Variants in PCCA observed in about 807,000 individuals in gnomAD.
The protein encoded by PCCA is propionyl-CoA carboxylase subunit alpha.
A neutral mutation model predicts 101.3 loss-of-function variants in PCCA; 74 were observed. That is an observed-to-expected ratio of 0.73 (90% CI 0.61 to 0.89). The LOEUF is 0.89. PCCA is among the 40% of genes least tolerant of loss of function. The probability of loss-of-function intolerance (pLI) is 0.00; values close to 1 mark genes in which losing one functional copy is unlikely to be tolerated. For missense variants in PCCA, 891 were observed against 907.0 expected (o/e 0.98, Z 0.23); for synonymous variants, 294 against 313.6 (o/e 0.94, Z 0.66).
chr13:100,259,460 G>A (rs984130854), intron 9 of PCCA, among the ~76,000 whole-genome samples: 8 of 148,126 alleles, frequency 5.4e-5, no homozygotes, highest in South Asian at 2.2e-4. Flanking sequence ...TCAGCCTCCC[G>A]AGTAGCTGGG....
chr13:100,489,295 G>A (rs544329076), intron 21 of PCCA, among the ~76,000 whole-genome samples: 18 of 151,328 alleles, frequency 1.2e-4, no homozygotes, highest in Admixed American at 4.6e-4. Context: ...GCGACAGAGC[G>A]AGACTCCGTC....
intron 12 of PCCA, among the ~76,000 whole-genome samples, chr13:100,287,150 A>G (rs1174849568): frequency 6.6e-6 from 1 of 152,144 alleles, no homozygotes; most frequent in Non-Finnish European, 1.5e-5. Context: ...CTGAAATTGC[A>G]GATGTATGCA....
chr13:100,167,246 C>A (rs534555836), intron 6 of PCCA, among the ~76,000 whole-genome samples: 2 of 151,956 alleles, frequency 1.3e-5, no homozygotes, highest in African/African-American at 2.4e-5. Flanking sequence ...TAGTTTGAAC[C>A]TTTTGAGTCT....
intron 12 of PCCA, among the ~76,000 whole-genome samples, chr13:100,285,915 C>A (rs960475363): frequency 6.6e-6 from 1 of 152,216 alleles, no homozygotes; most frequent in Admixed American, 6.5e-5. Context: ...AAGCCTCTTA[C>A]CCCAGAGACC....
At position 100,452,136 on chromosome 13, in the gene PCCA, TCTC is replaced by T. The variant is rs1322328433; in HGVS notation, c.1899+2835_1899+2837del. On this transcript the variant is annotated intron_variant, in intron 21 of 23. Transcript: ENST00000376285. Reference sequence around the variant, plus strand: ...CTCTCCTCTTCTTCCTCTCCCTCTCTCTCCTCTTCTTCCTCTCCCTCTCTCCTT... The same window carrying T: ...CTCTCCTCTTCTTCCTCTCCCTCTCTCTCTTCTTCCTCTCCCTCTCTCCTT... Among the ~76,000 whole-genome samples the T allele has an allele frequency of 5.4e-5, 7 of 129,322 alleles. No homozygotes were observed. In the South Asian group the frequency reaches 8.2e-4, roughly 15 times the overall value. 84.8% of individuals were successfully genotyped at this position (129,322 alleles called of 152,430 possible).
intron 21 of PCCA, among the ~76,000 whole-genome samples, chr13:100,509,363 G>A (rs111393022): frequency 6.6e-6 from 1 of 152,194 alleles, no homozygotes; most frequent in East Asian, 1.9e-4. Context: ...GTGAGAAAAC[G>A]TGAGCATGTA....
At chr13:100,386,812 C>A (rs1274603629) in intron 19 of PCCA, among the ~76,000 whole-genome samples, 1 of 152,136 alleles carries the variant, frequency 6.6e-6, no homozygotes, top group Non-Finnish European at 1.5e-5. Flanking sequence ...CCCATGGTTG[C>A]CTGTGAGTTG....
intron 18 of PCCA, among the ~76,000 whole-genome samples, chr13:100,349,469 G>T (rs979981047): frequency 1.8e-4 from 28 of 151,800 alleles, no homozygotes; most frequent in African/African-American, 6.8e-4. Flanking sequence ...TGCCCTGCTG[G>T]CCAGGCTGGT....
chr13:100,347,973 T>C (rs1468435138), intron 18 of PCCA, among the ~76,000 whole-genome samples: 1 of 152,240 alleles, frequency 6.6e-6, no homozygotes, highest in Non-Finnish European at 1.5e-5. Context: ...TGTAGCTAAG[T>C]GAAGCTATGT....
chr13:100,412,460 A>G (rs1169834593), intron 19 of PCCA, among the ~76,000 whole-genome samples: 1 of 152,220 alleles, frequency 6.6e-6, no homozygotes, highest in Admixed American at 6.5e-5. Context: ...AACAAGATAC[A>G]AAGAAATACC....
At chr13:100,461,932 G>A (rs2082190606) in intron 21 of PCCA, among the ~76,000 whole-genome samples, 1 of 152,106 alleles carries the variant, frequency 6.6e-6, no homozygotes, top group Admixed American at 6.5e-5. Context: ...AACTCCACAG[G>A]GCTTCCTCCC....
At position 100,281,457 on chromosome 13, in the gene PCCA, T is replaced by G. The variant is rs1042452903; in HGVS notation, c.1065+8111T>G. Among the ~76,000 whole-genome samples the G allele has an allele frequency of 4.9e-4, 75 of 152,236 alleles. 1 individual carries two copies. Among genetic ancestry groups the G allele is most frequent in the Admixed American group, 6.5e-5 (1 of 15,284 alleles). ...ATCATGTTCTATACTATCCACAGTT[T>G]CAGGCATTTGCTGGGGACCTAGGAA... On this transcript the variant is annotated intron_variant, in intron 12 of 23. Coordinates refer to ENST00000376285, the MANE Select transcript of PCCA (RefSeq NM_000282.4).
intron 7 of PCCA, among the ~76,000 whole-genome samples, chr13:100,213,839 T>G (rs186451353): frequency 6.6e-6 from 1 of 152,338 alleles, no homozygotes; most frequent in East Asian, 1.9e-4. Flanking sequence ...TGCAATGTTT[T>G]CTTTTGGTAG....
chr13:100,327,860 G>T (rs1022303112), intron 16 of PCCA, among the ~76,000 whole-genome samples: 6 of 152,140 alleles, frequency 3.9e-5, no homozygotes, highest in African/African-American at 1.4e-4. Context: ...TTTACTTGGT[G>T]TGTTTTTTGT....
At chr13:100,263,910 G>A (rs984906619) in intron 10 of PCCA, among the ~76,000 whole-genome samples, 5 of 149,768 alleles carry the variant, frequency 3.3e-5, no homozygotes, top group African/African-American at 9.8e-5. Flanking sequence ...TACAGTATCT[G>A]TATGTCATAG....
At chr13:100,519,548 T>C (rs1054321854) in intron 22 of PCCA, among the ~76,000 whole-genome samples, 1 of 152,224 alleles carries the variant, frequency 6.6e-6, no homozygotes, top group Non-Finnish European at 1.5e-5. Context: ...ACCCTGATTT[T>C]GTTTCCTCCT....
intron 17 of PCCA, among the ~76,000 whole-genome samples, chr13:100,337,910 T>A (rs1009712515): frequency 2.0e-5 from 3 of 152,230 alleles, no homozygotes; most frequent in Admixed American, 1.3e-4. Flanking sequence ...ACACACAACA[T>A]TTTCATGTAA....
chr13:100,463,106 C>T (rs908346028), intron 21 of PCCA, among the ~76,000 whole-genome samples: 4 of 152,070 alleles, frequency 2.6e-5, no homozygotes, highest in Non-Finnish European at 5.9e-5. Context: ...TTAATAAAGG[C>T]GCAGAGGTAT....
chr13:100,118,902 G>A (rs936257605), intron 4 of PCCA, among the ~76,000 whole-genome samples: 6 of 152,028 alleles, frequency 3.9e-5, no homozygotes, highest in Admixed American at 2.0e-4. Context: ...TCTTAATGTT[G>A]AATTGTTCTG....
Sources: allele counts gnomAD v4.1 joint callset (sites outside exome capture counted in the v4.1 genomes callset), GRCh38; gene constraint gnomAD v4.1.1; transcripts MANE v1.5; gene names NCBI Gene and HGNC (gene_info 2026-07-23, HGNC 2026-07-21).